PCDHGC3: variants seen among roughly 807,000 people sequenced by gnomAD.
PCDHGC3 encodes the protein protocadherin gamma subfamily C, 3.
PCDHGC3 carries 26 observed loss-of-function variants against 59.2 expected under a neutral mutation model. That is an observed-to-expected ratio of 0.44 (90% CI 0.32 to 0.61). The LOEUF (loss-of-function observed/expected upper bound fraction) is 0.61. Among genes scored for constraint, PCDHGC3 ranks in the 20% least tolerant of loss-of-function variants. PCDHGC3 has a pLI of 0.05. For synonymous variants in PCDHGC3, 487 were observed against 519.7 expected, an observed-to-expected ratio of 0.94 and a Z score of 0.86; for missense variants, 1,080 against 1,221.8, an observed-to-expected ratio of 0.88 and a Z score of 1.73.
At chr5:141,483,501 G>C (rs1022338958) in intron 1 of PCDHGC3, among the ~76,000 whole-genome samples, 2 of 150,394 alleles carry the variant, frequency 1.3e-5, no homozygotes, top group African/African-American at 4.9e-5. Context: ...ATGAGTCAAG[G>C]CTGATCCCCC....
intron 3 of PCDHGC3, among the ~76,000 whole-genome samples, chr5:141,505,765 T>C (rs970212345): frequency 5.3e-5 from 8 of 151,922 alleles, no homozygotes; most frequent in African/African-American, 1.9e-4. Flanking sequence ...ACAGTGTAGC[T>C]CAGGTCCTAG....
rs549047197 is a variant in PCDHGC3, at chr5:141,502,866, C to CTTTTTTTTTTTTTTT, written c.2490-2513_2490-2512insTTTTTTTTTTTTTTT. Reference sequence around the variant, plus strand: ...GAGCTGCCTAACCCTGACTCTCTGTCTTTTTTTTTTTTTTGACAGGGAGTC... The same window carrying CTTTTTTTTTTTTTTT: ...GAGCTGCCTAACCCTGACTCTCTGTCTTTTTTTTTTTTTTTTTTTTTTTTTTTTTGACAGGGAGTC... On this transcript the variant is annotated intron_variant, in intron 2 of 3. Coordinates refer to ENST00000308177, the MANE Select transcript of PCDHGC3 (RefSeq NM_002588.4). 1.1e-4 allele frequency among the ~76,000 whole-genome samples: 14 copies of CTTTTTTTTTTTTTTT among 128,026 alleles called. 3 individuals are homozygous for CTTTTTTTTTTTTTTT. Among genetic ancestry groups the CTTTTTTTTTTTTTTT allele is most frequent in the Admixed American group, 1.7e-4 (2 of 11,664 alleles). The allele number at this position is 128,026 out of a possible 152,430, so 84.0% of individuals were successfully genotyped here.
chr5:141,505,520 C>T, intron 3 of PCDHGC3, 39 bp downstream of exon 3: 1 of 1,612,650 alleles, frequency 6.2e-7, no homozygotes, highest in Non-Finnish European at 8.5e-7. Flanking sequence ...AGTGGGAGAC[C>T]TGGGGTTCTG....
At chr5:141,482,382 T>C (rs935517099) in intron 1 of PCDHGC3, among the ~76,000 whole-genome samples, 1 of 152,146 alleles carries the variant, frequency 6.6e-6, no homozygotes, top group Admixed American at 6.6e-5. Context: ...ATAAAGTCCC[T>C]GTATGGAGCA....
In PCDHGC3 at chr5:141,487,917, CTACAGTGCACAGGG is replaced by C; in HGVS notation, c.2431-6879_2431-6866del. On this transcript the variant is annotated intron_variant, in intron 1 of 3. Coordinates refer to ENST00000308177, the MANE Select transcript of PCDHGC3 (RefSeq NM_002588.4). The surrounding 1 kb of genome is among the most constrained non-coding windows in gnomAD (Gnocchi z 5.0). ...TGATGGAATGTGGGAGCACAGGAGG[CTACAGTGCACAGGG>C]TACAGTGCACCAGGCAGTCACTTGG... 1 of 647,994 alleles carries C rather than the reference CTACAGTGCACAGGG, an allele frequency of 1.5e-6. No homozygotes were observed. The highest frequency in any genetic ancestry group is 2.7e-6 in the Non-Finnish European group (1 of 377,182). 40.1% of individuals were successfully genotyped at this position (647,994 alleles called of 1,614,324 possible).
intron 2 of PCDHGC3, 84 bp downstream of exon 2, chr5:141,494,949 C>A (rs1193148622): frequency 6.2e-7 from 1 of 1,606,850 alleles, no homozygotes; most frequent in Non-Finnish European, 8.5e-7. Context: ...GAGGGCCCAG[C>A]ATTTGCTACA....
At position 141,477,855 on chromosome 5, in the gene PCDHGC3, T is replaced by C; in HGVS notation, c.1739T>C (p.Leu580Pro). The C allele has an allele frequency of 1.2e-6, 2 of 1,613,698 alleles. No individual in the cohort carries two copies. The highest frequency in any genetic ancestry group is 1.7e-6 in the Non-Finnish European group (2 of 1,179,882). The change falls in exon 1 of 4, where the codon CTG (leucine) becomes CCG (proline). Residue 580 changes from leucine (L) to proline (P), a missense_variant. Coordinates refer to ENST00000308177, the MANE Select transcript of PCDHGC3 (RefSeq NM_002588.4). The surrounding 1 kb of genome is among the most constrained non-coding windows in gnomAD (Gnocchi z 4.9). ...PRPGGSSVEMLPRGTSAGHLV... is the reference protein window; with the variant it reads ...PRPGGSSVEMPPRGTSAGHLV... ...CCAGGTGGGAGCTCGGTGGAGATGC[T>C]GCCTCGAGGTACCTCAGCTGGCCAC...
chr5:141,476,357 C>G lies in PCDHGC3; in HGVS notation c.241C>G (p.Arg81Gly). Residue 81 changes from arginine (R) to glycine (G), a missense_variant, in exon 1 of 4, where the codon CGG becomes GGG. Physicochemically the swap from Arg to Gly is moderately radical, Grantham distance 125 (BLOSUM62 -2). Transcript: ENST00000308177. The surrounding 1 kb of genome is among the most constrained non-coding windows in gnomAD (Gnocchi z 7.6). ...TAGCCGAAGATTCTTTGAGGTGAAC[C>G]GGGAGACCGGAGAGATGTTTGTGAA... ...GASRRFFEVN[R>G]ETGEMFVNDR... is the part of the protein sequence containing the mutation. The G allele has an allele frequency of 6.2e-7, 1 of 1,614,052 alleles. No individual in the cohort carries two copies. Among genetic ancestry groups the G allele is most frequent in the South Asian group, 1.1e-5 (1 of 91,078 alleles).
At chr5:141,501,901 C>T (rs1595767273) in intron 2 of PCDHGC3, among the ~76,000 whole-genome samples, 1 of 152,070 alleles carries the variant, frequency 6.6e-6, no homozygotes, top group Non-Finnish European at 1.5e-5. Context: ...TGGTTCCAAC[C>T]CCACTGTTCC....
At position 141,476,645 on chromosome 5, in the gene PCDHGC3, A is replaced by G. The variant is rs150444699; in HGVS notation, c.529A>G (p.Asn177Asp). The G allele has an allele frequency of 1.2e-4, 199 of 1,614,128 alleles. No homozygotes were observed. Among genetic ancestry groups the G allele is most frequent in the Non-Finnish European group, 1.6e-4 (194 of 1,180,060 alleles). ...TTTACAAACCTATGAGCTGAGCCGA[A>G]ATGAATACTTTGCGCTTCGCGTGCA... ...NSLQTYELSR[N>D]EYFALRVQTR... The change falls in exon 1 of 4, where the codon AAT becomes GAT. Residue 177 changes from asparagine to aspartate, a missense_variant. Asn to Asp is a conservative substitution (Grantham distance 23, BLOSUM62 1). Transcript: ENST00000308177. The surrounding 1 kb of genome is among the most constrained non-coding windows in gnomAD (Gnocchi z 7.6).
Position 141,490,491 on chromosome 5 carries a change from A to T in PCDHGC3, c.2431-4316A>T. 1 of 1,614,098 alleles carries T rather than the reference A, an allele frequency of 6.2e-7. No individual in the cohort carries two copies. Among genetic ancestry groups the T allele is most frequent in the Non-Finnish European group, 8.5e-7 (1 of 1,180,022 alleles). ...GCCAGCCTTTGGACCGGGAGGCCAC[A>T]TCCCACTATATCATCGAGCTGCTGG... On this transcript the variant is annotated intron_variant, in intron 1 of 3. Coordinates refer to ENST00000308177, the MANE Select transcript of PCDHGC3 (RefSeq NM_002588.4). This position sits in a 1 kb window ranked among gnomAD's most constrained non-coding sequence, Gnocchi z 5.4.
chr5:141,500,384 T>C (rs956708207), intron 2 of PCDHGC3, among the ~76,000 whole-genome samples: 1 of 151,894 alleles, frequency 6.6e-6, no homozygotes, highest in African/African-American at 2.4e-5. Context: ...AATTATTTTG[T>C]ATTTTTAGTA....
rs753358324 is a variant in PCDHGC3, at chr5:141,487,328, G to A, written c.2431-7479G>A. On this transcript the variant is annotated intron_variant, in intron 1 of 3. Transcript: ENST00000308177. This position sits in a 1 kb window ranked among gnomAD's most constrained non-coding sequence, Gnocchi z 5.0. ...ACTACTCTCTAAGTGTCTTCGTGGG[G>A]CAGCCTGTGGAGTCACATGCTTTCC... 1.2e-6 allele frequency: 2 copies of A among 1,613,962 alleles called. No individual in the cohort carries two copies. The highest frequency in any genetic ancestry group is 2.2e-5 in the East Asian group (1 of 44,874).
At chr5:141,500,252 A>G (rs2099798400) in intron 2 of PCDHGC3, among the ~76,000 whole-genome samples, 1 of 151,094 alleles carries the variant, frequency 6.6e-6, no homozygotes, top group East Asian at 1.9e-4. Flanking sequence ...TCTGTCACCC[A>G]GGCTGGACTG....
intron 1 of PCDHGC3, among the ~76,000 whole-genome samples, chr5:141,494,188 T>G (rs2099752632): frequency 6.6e-6 from 1 of 152,186 alleles, no homozygotes; most frequent in Non-Finnish European, 1.5e-5. Flanking sequence ...GTCCCGGGAC[T>G]TGGATGCCCC....
rs751024373 is a variant in PCDHGC3, at chr5:141,491,801, G to A, written c.2431-3006G>A. On this transcript the variant is annotated intron_variant, in intron 1 of 3. Coordinates refer to ENST00000308177, the MANE Select transcript of PCDHGC3 (RefSeq NM_002588.4). The surrounding 1 kb of genome is among the most constrained non-coding windows in gnomAD (Gnocchi z 6.9). ...AACTTGCATCCACTCCTCTCCGGCC[G>A]GCTTGGTCGCTGGCTGCGCTCCACC... 2.7e-6 allele frequency: 4 copies of A among 1,500,726 alleles called. No homozygotes were observed. The Admixed American group carries it at 7.3e-5, about 28-fold the overall frequency. 93.0% of individuals were successfully genotyped at this position (1,500,726 alleles called of 1,614,324 possible). A position where few individuals can be genotyped will look rare whatever the true frequency, so the allele number is the denominator to read the frequency against.
Position 141,491,140 on chromosome 5 carries a change from T to A in PCDHGC3, c.2431-3667T>A, listed in dbSNP as rs1392575961. On this transcript the variant is annotated intron_variant, in intron 1 of 3. Coordinates refer to ENST00000308177, the MANE Select transcript of PCDHGC3 (RefSeq NM_002588.4). This position sits in a 1 kb window ranked among gnomAD's most constrained non-coding sequence, Gnocchi z 6.9. ...TGGTGAGGTGCGCACAGCCCGGGCC[T>A]TACTGGAGGATGACTCTGACACCCA... 2 of 1,614,110 alleles carry A rather than the reference T, an allele frequency of 1.2e-6. No individual in the cohort carries two copies. Among genetic ancestry groups the A allele is most frequent in the Non-Finnish European group, 1.7e-6 (2 of 1,179,992 alleles).
chr5:141,486,654 T>C lies in PCDHGC3; in HGVS notation c.2430+8108T>C. ...TTGAATGCGCTTATCTCCTACTCAC[T>C]CCTGGAGCCCAGGAATCGAGATGTA... is the stretch of plus-strand genomic sequence containing the variant. On this transcript the variant is annotated intron_variant, in intron 1 of 3. Coordinates refer to ENST00000308177, the MANE Select transcript of PCDHGC3 (RefSeq NM_002588.4). The surrounding 1 kb of genome is among the most constrained non-coding windows in gnomAD (Gnocchi z 5.0). The C allele has an allele frequency of 2.5e-6, 4 of 1,613,922 alleles. No individual in the cohort carries two copies. Among genetic ancestry groups the C allele is most frequent in the Non-Finnish European group, 3.4e-6 (4 of 1,180,026 alleles).
At chr5:141,488,855 C>T (rs1441666819) in intron 1 of PCDHGC3, among the ~76,000 whole-genome samples, 2 of 152,190 alleles carry the variant, frequency 1.3e-5, no homozygotes, top group Non-Finnish European at 1.5e-5. Context: ...ACCTGCAGCA[C>T]GAAGTGAGTG....
Sources: allele counts gnomAD v4.1 joint callset (sites outside exome capture counted in the v4.1 genomes callset), GRCh38; gene constraint gnomAD v4.1.1; non-coding constraint Gnocchi (gnomAD v3.1); transcripts MANE v1.5; gene names NCBI Gene and HGNC (gene_info 2026-07-23, HGNC 2026-07-21).